Variants in DVL2 observed in about 807,000 individuals in gnomAD.
The protein encoded by DVL2 is dishevelled segment polarity protein 2.
Under a neutral mutation model 69.8 loss-of-function variants are expected in DVL2, and 38 were observed. The observed-to-expected ratio is 0.54, with a 90% confidence interval of 0.42 to 0.71. The LOEUF (loss-of-function observed/expected upper bound fraction) is 0.71, where lower values mean the gene tolerates loss of function less well. Among genes scored for constraint, DVL2 ranks in the 30% least tolerant of loss-of-function variants. DVL2 has a pLI of 0.00. For synonymous variants in DVL2, 428 were observed against 392.4 expected, an observed-to-expected ratio of 1.09 and a Z score of -1.07; for missense variants, 931 against 1,008.1, an observed-to-expected ratio of 0.92 and a Z score of 1.04.
Position 7,227,866 on chromosome 17 carries a change from C to G in DVL2, c.1103-83G>C. 3 of 1,558,520 alleles carry G rather than the reference C, an allele frequency of 1.9e-6. No homozygotes were observed. The South Asian group carries it at 3.5e-5, about 18-fold the overall frequency. On this transcript the variant is annotated intron_variant, in intron 10 of 14. Transcript: ENST00000005340. ...CCCTCCCTGACTCAGCCTCCTGTTC[C>G]ACCTCTGCCTGGACCCTCCTCCCAC...
Position 7,226,881 on chromosome 17 carries a change from A to G in DVL2, c.1543+209T>C, listed in dbSNP as rs533358980. 7.2e-5 allele frequency: 46 copies of G among 636,454 alleles called. 1 individual carries two copies. The South Asian group carries it at 9.2e-4, about 13-fold the overall frequency. The allele number at this position is 636,454 out of a possible 1,614,324, so 39.4% of individuals were successfully genotyped here. ...AGAGGTGCACCTTCCCCCGGTGGAC[A>G]CAGTCCTGCACCTGGCACATGGCTT... On this transcript the variant is annotated intron_variant, in intron 13 of 14. Coordinates refer to ENST00000005340, the MANE Select transcript of DVL2 (RefSeq NM_004422.3).
intron 13 of DVL2, chr17:7,226,861 T>G: frequency 1.6e-6 from 1 of 627,154 alleles, no homozygotes; most frequent in Non-Finnish European, 2.7e-6. Flanking sequence ...AGGTAAGAGG[T>G]GCACCTTCCC....
At chr17:7,230,262 A>G (rs2071522349) in intron 3 of DVL2, 23 bp downstream of exon 3, 5 of 1,613,742 alleles carry the variant, frequency 3.1e-6, no homozygotes, top group Non-Finnish European at 2.5e-6. Flanking sequence ...CCTCCCCTGC[A>G]GTCAAGAATC....
intron 1 of DVL2, chr17:7,233,834 T>A: frequency 1.7e-6 from 1 of 592,590 alleles, no homozygotes; most frequent in Non-Finnish European, 3.0e-6. Flanking sequence ...CCTATTCCAG[T>A]AAAGCCTAAT....
At chr17:7,227,559 C>T (rs749320786) in intron 11 of DVL2, 24 bp from the exon 12 acceptor site, 3 of 1,613,048 alleles carry the variant, frequency 1.9e-6, no homozygotes, top group South Asian at 1.1e-5. Flanking sequence ...CAACGGGTAA[C>T]CAGAGTCAGG....
At chr17:7,227,908 C>A in intron 10 of DVL2, 69 bp downstream of exon 10, 1 of 1,571,956 alleles carries the variant, frequency 6.4e-7, no homozygotes, top group Admixed American at 1.8e-5. Flanking sequence ...CCCATGACCA[C>A]AGGCCCGGCC....
chr17:7,234,187 G>A lies in DVL2; in HGVS notation c.76C>T (p.Pro26Ser). Reference protein sequence around the residue: ...VIYHLDEEETPYLVKIPVPAE... With the variant: ...VIYHLDEEETSYLVKIPVPAE... The stretch of plus-strand genomic sequence containing the variant: ...GGGACAGGGATCTTCACCAGGTAGG[G>A]AGTCTCTTCCTCATCCAGGTGGTAA... Residue 26 changes from proline to serine, a missense_variant, in exon 1 of 15, where the codon CCC (proline) becomes TCC (serine). Pro to Ser is a moderately conservative substitution (Grantham distance 74). Coordinates refer to ENST00000005340, the MANE Select transcript of DVL2 (RefSeq NM_004422.3). 1.2e-6 allele frequency: 2 copies of A among 1,614,170 alleles called. No homozygotes were observed. Among genetic ancestry groups the A allele is most frequent in the Non-Finnish European group, 1.7e-6 (2 of 1,180,028 alleles).
At chr17:7,226,707 G>C in intron 13 of DVL2, 68 bp from the exon 14 acceptor site, 2 of 1,238,164 alleles carry the variant, frequency 1.6e-6, no homozygotes, top group Non-Finnish European at 2.2e-6. Flanking sequence ...ACACCGAATG[G>C]AGAGGAACTG....
Position 7,229,599 on chromosome 17 carries a change from G to A in DVL2, c.736C>T (p.Arg246Cys), listed in dbSNP as rs151191814. 1.4e-5 allele frequency: 22 copies of A among 1,562,494 alleles called. No individual in the cohort carries two copies. In the Admixed American group the frequency reaches 3.1e-4, roughly 22 times the overall value. ...TAGGAACCCCTCACCCTCTCCAGGC[G>A]GGGTGGCCTCTGCTTCCTTCGCCGC... ...HRRRRKQRPP[R>C]LERTSSFSSV... is the part of the protein sequence containing the mutation. The change falls in exon 6 of 15, where the codon CGC (arginine) becomes TGC (cysteine). Residue 246 changes from arginine (R) to cysteine (C), a missense_variant. Arg to Cys is a radical substitution (Grantham distance 180). Transcript: ENST00000005340. The surrounding 1 kb of genome is among the most constrained non-coding windows in gnomAD (Gnocchi z 4.4).
Position 7,228,038 on chromosome 17 carries a change from A to G in DVL2, c.1041T>C (p.Ile347=). The G allele has an allele frequency of 1.3e-6, 2 of 1,545,898 alleles. No individual in the cohort carries two copies. Among genetic ancestry groups the G allele is most frequent in the Middle Eastern group, 1.8e-4 (1 of 5,704 alleles). The change falls in exon 10 of 15, where the codon ATT becomes ATC. Residue 347 remains isoleucine, a synonymous_variant. Coordinates refer to ENST00000005340, the MANE Select transcript of DVL2 (RefSeq NM_004422.3). Reference sequence around the variant, plus strand: ...CCCAGCACTTGGCCACAGTCAGCACAATGGGGCTATGGGGAAGAGAAGTCC... The same window carrying G: ...CCCAGCACTTGGCCACAGTCAGCACGATGGGGCTATGGGGAAGAGAAGTCC... ...LRDIVHKPGP[I]VLTVAKCWDP...
chr17:7,226,981 C>T (rs2071464889), intron 13 of DVL2, 109 bp downstream of exon 13: 6 of 1,138,986 alleles, frequency 5.3e-6, no homozygotes, highest in Admixed American at 2.2e-5. Context: ...ACACACTGCT[C>T]GACCATCCAT....
chr17:7,228,426 G>A (rs1318892516), intron 9 of DVL2: 1 of 183,426 alleles, frequency 5.5e-6, no homozygotes, highest in Non-Finnish European at 1.1e-5. Flanking sequence ...GGGGCAGTGA[G>A]GCATTTGGGA....
rs200089855 is a variant in DVL2, at chr17:7,234,024, A to G, written c.194+45T>C. The stretch of plus-strand genomic sequence containing the variant: ...TGTGCCCCTCCATGTCGCCCAATCC[A>G]CTCTAGCAAAGCCCCCGCCGGTCCT... On this transcript the variant is annotated intron_variant, in intron 1 of 14. Coordinates refer to ENST00000005340, the MANE Select transcript of DVL2 (RefSeq NM_004422.3). 5.8e-4 allele frequency: 930 copies of G among 1,601,356 alleles called. 1 individual carries two copies. The highest frequency in any genetic ancestry group is 7.4e-4 in the Non-Finnish European group (867 of 1,173,796).
intron 9 of DVL2, 158 bp from the exon 10 acceptor site, chr17:7,228,202 T>C (rs1295310331): frequency 2.7e-5 from 16 of 593,722 alleles, no homozygotes; most frequent in African/African-American, 1.9e-4. Flanking sequence ...CACCACAATG[T>C]GGATGACTCA....
In DVL2 at chr17:7,225,622, C is replaced by T; in HGVS notation, c.*243G>A. 2 of 545,900 alleles carry T rather than the reference C, an allele frequency of 3.7e-6. No individual in the cohort carries two copies. Among genetic ancestry groups the T allele is most frequent in the South Asian group, 4.7e-5 (2 of 42,864 alleles). 33.8% of individuals were successfully genotyped at this position (545,900 alleles called of 1,614,324 possible). ...AAAAAAGTCCCAAAAATGTAAGAAA[C>T]TCTATTTTAACCCCCAAAAAGGCTT... is the stretch of plus-strand genomic sequence containing the variant. On this transcript the variant is annotated 3_prime_UTR_variant, in exon 15 of 15. Transcript: ENST00000005340.
chr17:7,230,266 A>G lies in DVL2; in HGVS notation c.410+19T>C, dbSNP rs2071522448. On this transcript the variant is annotated intron_variant, in intron 3 of 14. Transcript: ENST00000005340. ...CTCCTCACCTCCCTCCCCTGCAGTCAAGAATCTGAAGGACTCACTGGAAGG... is the reference window on the plus strand; with the variant it reads ...CTCCTCACCTCCCTCCCCTGCAGTCGAGAATCTGAAGGACTCACTGGAAGG... 6.2e-7 allele frequency: 1 copy of G among 1,613,798 alleles called. No homozygotes were observed. The highest frequency in any genetic ancestry group is 1.3e-5 in the African/African-American group (1 of 74,866).
rs2071433844 is a variant in DVL2 at position 7,225,750 on chromosome 17, C to A, written c.*115G>T. On this transcript the variant is annotated 3_prime_UTR_variant, in exon 15 of 15. Transcript: ENST00000005340. ...GTGAGAGTCACAGTGGCCACAATCT[C>A]CTGTATGGCAGCAGCTGGTAGGCTG... 3 of 918,520 alleles carry A rather than the reference C, an allele frequency of 3.3e-6. No individual in the cohort carries two copies. The highest frequency in any genetic ancestry group is 3.6e-5 in the Admixed American group (2 of 55,512). The allele number at this position is 918,520 out of a possible 1,614,324, so 56.9% of individuals were successfully genotyped here.
Position 7,230,060 on chromosome 17 carries a change from C to G in DVL2, c.506G>C (p.Ser169Thr). ...LRRERPRRRD[S>T]SEHGAGGHRT... is the part of the protein sequence containing the mutation. ...CTGCCCCTCACCGCCATGCTCACTG[C>G]TGTCTCTCCTGCGAGGCCGCTCCCG... is the stretch of plus-strand genomic sequence containing the variant. Residue 169 changes from serine (S) to threonine (T), a missense_variant, in exon 4 of 15, where the codon AGC becomes ACC. By Grantham distance (58) the Ser-to-Thr change is moderately conservative. Around this residue, in one of 3 missense-constraint regions of DVL2, gnomAD observed 555 missense variants for 588.8 expected, o/e 0.94. Transcript: ENST00000005340. 6.2e-7 allele frequency: 1 copy of G among 1,614,060 alleles called. No individual in the cohort carries two copies. Among genetic ancestry groups the G allele is most frequent in the African/African-American group, 1.3e-5 (1 of 75,060 alleles).
chr17:7,227,835 C>T (rs774059800), intron 10 of DVL2, 52 bp from the exon 11 acceptor site: 2 of 1,556,164 alleles, frequency 1.3e-6, no homozygotes, highest in African/African-American at 2.7e-5. Flanking sequence ...CAAAAGCCAG[C>T]CCAGTCCCTC....
Sources: allele counts gnomAD v4.1 joint callset, GRCh38; gene constraint gnomAD v4.1.1; regional missense constraint gnomAD v4.1.1; non-coding constraint Gnocchi (gnomAD v3.1); transcripts MANE v1.5; gene names NCBI Gene and HGNC (gene_info 2026-07-23, HGNC 2026-07-21).